Variants in HDAC8 observed in about 807,000 individuals in gnomAD.
The protein encoded by HDAC8 is histone deacetylase 8, also known as histone deacetylase-like 1.
Under a neutral mutation model 32.2 loss-of-function variants are expected in HDAC8, and 1 was observed. The observed-to-expected ratio is 0.03, with a 90% CI of 0.01 to 0.15. HDAC8 has a LOEUF of 0.15. Ranked by LOEUF, HDAC8 falls within the 10% of genes least tolerant of loss-of-function variation. The pLI is 1.00. For missense variants in HDAC8, 117 were observed against 300.0 expected, an observed-to-expected ratio of 0.39 and a Z score of 4.51; for synonymous variants, 108 against 113.9, an observed-to-expected ratio of 0.95 and a Z score of 0.33.
At chrX:72,541,572 G>T (rs73624234) in intron 4 of HDAC8, among the ~76,000 whole-genome samples, 1 of 111,835 alleles carries the variant, frequency 8.9e-6, no homozygotes, top group African/African-American at 3.3e-5. Flanking sequence ...CAGACCAAAG[G>T]GGGCAAGGCT....
intron 4 of HDAC8, among the ~76,000 whole-genome samples, chrX:72,550,635 A>G (rs371991678): frequency 2.7e-5 from 3 of 111,298 alleles, no homozygotes; most frequent in African/African-American, 6.5e-5. Context: ...AATTGATATA[A>G]TGTCCATCAA....
At chrX:72,421,901 A>T (rs1204893490) in intron 9 of HDAC8, among the ~76,000 whole-genome samples, 1 of 112,003 alleles carries the variant, frequency 8.9e-6, no homozygotes, top group African/African-American at 3.2e-5. Flanking sequence ...TTTTCACTCA[A>T]GTTTGAAGTG....
chrX:72,449,276 G>C (rs1384625961), intron 9 of HDAC8, among the ~76,000 whole-genome samples: 1 of 111,329 alleles, frequency 9.0e-6, no homozygotes, highest in Non-Finnish European at 1.9e-5. Context: ...CATGTCCTTT[G>C]CAGGGACATG....
intron 9 of HDAC8, among the ~76,000 whole-genome samples, chrX:72,447,341 T>C (rs782682505): frequency 8.9e-6 from 1 of 112,112 alleles, no homozygotes; most frequent in South Asian, 3.7e-4. Context: ...AAAAACCACA[T>C]GATTATCTCA....
At chrX:72,560,790 G>A (rs5912142) in intron 4 of HDAC8, among the ~76,000 whole-genome samples, 47,547 of 106,166 alleles carry the variant, frequency 0.45, 10,774 homozygotes, top group African/African-American at 0.83. Flanking sequence ...CCTTTTCTGT[G>A]TCTATTGGGA....
chrX:72,525,252 T>C (rs1161610362), intron 4 of HDAC8, among the ~76,000 whole-genome samples: 2 of 111,812 alleles, frequency 1.8e-5, no homozygotes, highest in Non-Finnish European at 3.8e-5. Context: ...ATGCCTGGTG[T>C]CTAGCAGTAT....
intron 7 of HDAC8, among the ~76,000 whole-genome samples, chrX:72,486,298 G>A (rs180846526): frequency 2.9e-4 from 32 of 111,198 alleles, no homozygotes; most frequent in African/African-American, 9.5e-4. Flanking sequence ...GTATTCAAAG[G>A]CATAATGCCT....
chrX:72,397,572 G>A (rs1300128962), intron 9 of HDAC8, among the ~76,000 whole-genome samples: 1 of 111,538 alleles, frequency 9.0e-6, no homozygotes, highest in Non-Finnish European at 1.9e-5. Flanking sequence ...TGCCATTGAT[G>A]CTCCCTGCAC....
rs1202777250 is a variant in HDAC8 at position 72,572,556 on chromosome X, C to A, written c.111+95G>T. The A allele has an allele frequency of 6.6e-6, 4 of 601,509 alleles. No homozygotes were observed. In the African/African-American group the frequency reaches 6.8e-5, roughly 10 times the overall value. 49.6% of individuals were successfully genotyped at this position (601,509 alleles called of 1,213,427 possible). On this transcript the variant is annotated intron_variant, in intron 1 of 10. Transcript: ENST00000373573. Reference sequence around the variant, plus strand: ...ACTCGAAATTTCTGAAGATTTCCCCCAGCCCAGTGTCCTCTCCGCTTCCTA... The same window carrying A: ...ACTCGAAATTTCTGAAGATTTCCCCAAGCCCAGTGTCCTCTCCGCTTCCTA...
intron 4 of HDAC8, among the ~76,000 whole-genome samples, chrX:72,555,868 A>G (rs1408138428): frequency 8.9e-6 from 1 of 112,564 alleles, no homozygotes. Flanking sequence ...CAGCCTTGCT[A>G]GAGAGCTCGA....
chrX:72,567,101 C>T (rs12387456), intron 4 of HDAC8, among the ~76,000 whole-genome samples: 5,245 of 111,880 alleles, frequency 0.047, 299 homozygotes, highest in African/African-American at 0.16. Context: ...GCTGAGATCG[C>T]GCAACTGCAC....
chrX:72,562,523 C>T (rs1240028453), intron 4 of HDAC8, among the ~76,000 whole-genome samples: 5 of 110,541 alleles, frequency 4.5e-5, no homozygotes, highest in African/African-American at 1.3e-4. Context: ...TTTGGGGACT[C>T]GGGGGAAAGG....
chrX:72,355,722 G>A (rs782498190), intron 9 of HDAC8, among the ~76,000 whole-genome samples: 13 of 111,807 alleles, frequency 1.2e-4, no homozygotes, highest in African/African-American at 3.6e-4. Context: ...CAGTGAAAGC[G>A]GCATACAATT....
In HDAC8 at chrX:72,485,542, T is replaced by C. The variant is rs1434283706; in HGVS notation, c.737+3391A>G. 2.8e-5 allele frequency among the ~76,000 whole-genome samples: 3 copies of C among 106,266 alleles called. No homozygotes were observed. In the Admixed American group the frequency reaches 3.1e-4, roughly 11 times the overall value. The allele number at this position is 106,266 out of a possible 115,157, so 92.3% of individuals were successfully genotyped here. A position where few individuals can be genotyped will look rare whatever the true frequency, so the allele number is the denominator to read the frequency against. On this transcript the variant is annotated intron_variant, in intron 7 of 10. Transcript: ENST00000373573. ...GCTACAGCAGAGGAAAAAACCATTT[T>C]AGAAAGGAAAAGAGGAGGAAAGAAA...
At chrX:72,407,441 C>T (rs1179569904) in intron 9 of HDAC8, among the ~76,000 whole-genome samples, 4 of 111,790 alleles carry the variant, frequency 3.6e-5, no homozygotes, top group African/African-American at 1.3e-4. Context: ...CTTTTTTTCC[C>T]TTTTGCCCAA....
At chrX:72,351,586 G>T in intron 10 of HDAC8, 147 bp downstream of exon 10, 1 of 453,233 alleles carries the variant, frequency 2.2e-6, no homozygotes, top group Non-Finnish European at 3.9e-6. Context: ...CCAGCTACAA[G>T]CTGTCAGGCC....
In HDAC8 at chrX:72,437,628, T is replaced by C. The variant is rs149480279; in HGVS notation, c.1005+24376A>G. Among the ~76,000 whole-genome samples the C allele has an allele frequency of 6.0e-3, 677 of 112,063 alleles. 38 individuals are homozygous for C. In the East Asian group the frequency reaches 0.15, roughly 24 times the overall value. ...CGCTGCCAGCACAGCAGTCTGAAGA[T>C]GACCTCAGATGCTTGAGCTTGGTGG... On this transcript the variant is annotated intron_variant, in intron 9 of 10. Coordinates refer to ENST00000373573, the MANE Select transcript of HDAC8 (RefSeq NM_018486.3).
At chrX:72,343,473 G>T (rs1229395659) in intron 10 of HDAC8, among the ~76,000 whole-genome samples, 1 of 109,238 alleles carries the variant, frequency 9.2e-6, no homozygotes. Flanking sequence ...ATGCCCGGCC[G>T]AACTCAAATT....
intron 9 of HDAC8, among the ~76,000 whole-genome samples, chrX:72,421,934 C>A (rs2046502451): frequency 8.9e-6 from 1 of 111,936 alleles, no homozygotes; most frequent in South Asian, 3.7e-4. Flanking sequence ...ATATAGAATT[C>A]TTGTTTTACA....
Sources: gnomAD v4.1 joint callset for allele counts (sites outside exome capture counted in the v4.1 genomes callset) on GRCh38, gnomAD v4.1.1 for gene constraint, MANE v1.5 for transcripts, NCBI Gene and HGNC (gene_info 2026-07-23, HGNC 2026-07-21) for gene names.